The following RFX2 variants were observed in gnomAD, a reference collection of about 807,000 sequenced individuals.
The protein encoded by RFX2 is regulatory factor X2.
In RFX2, 20 loss-of-function variants were observed where a neutral mutation model predicts 87.8. That is an observed-to-expected ratio of 0.23 (90% CI 0.16 to 0.33). RFX2 has a LOEUF of 0.33. RFX2 is among the 10% of genes least tolerant of loss of function. RFX2 has a pLI of 1.00. For missense variants in RFX2, 767 were observed against 1,012.3 expected (o/e 0.76, Z 3.29); for synonymous variants, 397 against 431.3 (o/e 0.92, Z 0.98).
chr19:6,090,874 C>T (rs1172727891), intron 1 of RFX2, among the ~76,000 whole-genome samples: 7 of 152,166 alleles, frequency 4.6e-5, no homozygotes, highest in Admixed American at 4.6e-4. Flanking sequence ...TGTGGATGAA[C>T]TGCAAAACAA....
intron 4 of RFX2, among the ~76,000 whole-genome samples, chr19:6,041,664 G>C (rs1472484841): frequency 9.4e-5 from 14 of 148,506 alleles, no homozygotes; most frequent in Non-Finnish European, 5.9e-5. Context: ...AAAAGTCTGT[G>C]ATTTCTGAAA....
chr19:6,052,435 G>A (rs942972741), intron 1 of RFX2, among the ~76,000 whole-genome samples: 4 of 152,068 alleles, frequency 2.6e-5, no homozygotes, highest in African/African-American at 9.7e-5. Context: ...CATAATCGGA[G>A]ATTTTAAACA....
Position 6,001,597 on chromosome 19 carries a change from A to T in RFX2, c.1859+218T>A, listed in dbSNP as rs1411799460. On this transcript the variant is annotated intron_variant, in intron 15 of 17. Coordinates refer to ENST00000303657, the MANE Select transcript of RFX2 (RefSeq NM_000635.4). The surrounding 1 kb of genome is among the most constrained non-coding windows in gnomAD (Gnocchi z 5.6). ...CTGTCTGCAGAACTTGCAACTTAGT[A>T]TTTAGGCCACGGTGGCCTTCTGGGC... 6.6e-6 allele frequency among the ~76,000 whole-genome samples: 1 copy of T among 152,128 alleles called. No individual in the cohort carries two copies. Among genetic ancestry groups the T allele is most frequent in the Non-Finnish European group, 1.5e-5 (1 of 68,010 alleles).
intron 5 of RFX2, among the ~76,000 whole-genome samples, chr19:6,034,798 G>C (rs747914671): frequency 1.9e-4 from 29 of 152,214 alleles, no homozygotes; most frequent in Non-Finnish European, 3.4e-4. Flanking sequence ...GGACCACCAG[G>C]AAGGGGTGCT....
chr19:6,006,957 G>A, intron 12 of RFX2, 55 bp downstream of exon 12: 1 of 1,588,442 alleles, frequency 6.3e-7, no homozygotes, highest in Non-Finnish European at 8.6e-7. Flanking sequence ...AGAAAGGACA[G>A]AGGAGGCAGG....
chr19:6,017,469 C>T lies in RFX2; in HGVS notation c.598-1198G>A, dbSNP rs1019788001. ...ACCTCTCCCTCTGCTATCGTCTGTC[C>T]CCTGATCCAGAGAGGTCTGCTATGT... On this transcript the variant is annotated intron_variant, in intron 6 of 17. Transcript: ENST00000303657. This position sits in a 1 kb window ranked among gnomAD's most constrained non-coding sequence, Gnocchi z 4.1. 6.6e-6 allele frequency among the ~76,000 whole-genome samples: 1 copy of T among 152,226 alleles called. No individual in the cohort carries two copies. The highest frequency in any genetic ancestry group is 1.9e-4 in the East Asian group (1 of 5,198).
Position 5,997,587 on chromosome 19 carries a change from C to T in RFX2, c.1860-374G>A, listed in dbSNP as rs1311225875. ...ACATTTCGGACTCCGAATCAGAGCACAGGCTGGCAGCTGGTGCCTGTCTCC... is the reference window on the plus strand; with the variant it reads ...ACATTTCGGACTCCGAATCAGAGCATAGGCTGGCAGCTGGTGCCTGTCTCC... On this transcript the variant is annotated intron_variant, in intron 15 of 17. Transcript: ENST00000303657. The surrounding 1 kb of genome is among the most constrained non-coding windows in gnomAD (Gnocchi z 4.2). Among the ~76,000 whole-genome samples the T allele has an allele frequency of 6.6e-6, 1 of 152,206 alleles. No homozygotes were observed. Among genetic ancestry groups the T allele is most frequent in the Non-Finnish European group, 1.5e-5 (1 of 68,032 alleles).
chr19:6,053,585 G>A (rs1218699391), intron 1 of RFX2, among the ~76,000 whole-genome samples: 1 of 152,206 alleles, frequency 6.6e-6, no homozygotes, highest in African/African-American at 2.4e-5. Context: ...CTGTGCATGT[G>A]TGGAGGTATG....
chr19:5,995,462 T>C (rs538503310), intron 17 of RFX2, 139 bp downstream of exon 17: 2 of 826,796 alleles, frequency 2.4e-6, no homozygotes, highest in East Asian at 2.7e-5. Context: ...ACTGTCCGGA[T>C]GACAGATCCC....
At chr19:6,067,079 A>C (rs1330458043) in intron 1 of RFX2, among the ~76,000 whole-genome samples, 1 of 152,200 alleles carries the variant, frequency 6.6e-6, no homozygotes, top group South Asian at 2.1e-4. Flanking sequence ...ACTCTCTCTG[A>C]GGTAAGAGGG....
rs2144813190 is a variant in RFX2, at chr19:6,063,075, C to A, written c.-8-15571G>T. Among the ~76,000 whole-genome samples, 1 of 152,304 alleles carries A rather than the reference C, an allele frequency of 6.6e-6. No individual in the cohort carries two copies. Among genetic ancestry groups the A allele is most frequent in the East Asian group, 1.9e-4 (1 of 5,184 alleles). On this transcript the variant is annotated intron_variant, in intron 1 of 17. Transcript: ENST00000303657. The surrounding 1 kb of genome is among the most constrained non-coding windows in gnomAD (Gnocchi z 4.0). ...TGTGTCTCGTATCCCTCCTGTCCTG[C>A]CGCTCTCGCTCTTGCTCCTAGGCCG...
In RFX2 at chr19:6,033,758, T is replaced by C. The variant is rs76294714; in HGVS notation, c.522+6222A>G. ...ACTGTAGTCAACAATAATGTATCAA[T>C]ATTGGATCATCAGCTGCAACAAATG... On this transcript the variant is annotated intron_variant, in intron 5 of 17. Transcript: ENST00000303657. Among the ~76,000 whole-genome samples the C allele has an allele frequency of 4.5e-3, 680 of 150,208 alleles. 8 individuals carry two copies. In the East Asian group the frequency reaches 0.072, roughly 16 times the overall value.
At chr19:6,033,615 C>CAAAAAAAAAAAAAAAA (rs34581899) in intron 5 of RFX2, among the ~76,000 whole-genome samples, 1 of 60,426 alleles carries the variant, frequency 1.7e-5, no homozygotes, top group Non-Finnish European at 3.3e-5. Context: ...CCCACCTTTG[C>CAAAAAAAAAAAAAAAA]AAAAAAAAAA....
Position 5,997,055 on chromosome 19 carries a change from C to T in RFX2, c.2013+5G>A, listed in dbSNP as rs2086422738. ...CCCGGCCGTCCCACCCAGGAGGGTC[C>T]TCACCTCTCCCATCACAGCGATCGG... On this transcript the variant is annotated splice_donor_5th_base_variant and intron_variant, in intron 16 of 17. Transcript: ENST00000303657. The surrounding 1 kb of genome is among the most constrained non-coding windows in gnomAD (Gnocchi z 4.2). The T allele has an allele frequency of 1.2e-6, 2 of 1,608,220 alleles. No homozygotes were observed. Among genetic ancestry groups the T allele is most frequent in the Non-Finnish European group, 1.7e-6 (2 of 1,178,876 alleles).
At chr19:6,032,210 C>T (rs1389762885) in intron 5 of RFX2, among the ~76,000 whole-genome samples, 7 of 152,152 alleles carry the variant, frequency 4.6e-5, no homozygotes, top group Non-Finnish European at 1.0e-4. Context: ...CAACCTCTGC[C>T]TCCCAGGTTC....
In RFX2 at chr19:6,050,304, A is replaced by C. The variant is rs1485690228; in HGVS notation, c.-8-2800T>G. Reference sequence around the variant, plus strand: ...ACCCAGTAAAAACCATGAGCTATGAAAAGAAACAGGAAAGTGTAACATACA... The same window carrying C: ...ACCCAGTAAAAACCATGAGCTATGACAAGAAACAGGAAAGTGTAACATACA... On this transcript the variant is annotated intron_variant, in intron 1 of 17. Coordinates refer to ENST00000303657, the MANE Select transcript of RFX2 (RefSeq NM_000635.4). The surrounding 1 kb of genome is among the most constrained non-coding windows in gnomAD (Gnocchi z 4.6). 6.6e-6 allele frequency among the ~76,000 whole-genome samples: 1 copy of C among 152,214 alleles called. No individual in the cohort carries two copies. The highest frequency in any genetic ancestry group is 1.5e-5 in the Non-Finnish European group (1 of 68,038).
chr19:6,072,808 C>G lies in RFX2; in HGVS notation c.-8-25304G>C, dbSNP rs1599906300. ...TGCTGCCTACGGAGGTGGCAGCTGT[C>G]TCCTCCTCAGCATCATGGCCGCCCT... is the stretch of plus-strand genomic sequence containing the variant. On this transcript the variant is annotated intron_variant, in intron 1 of 17. Transcript: ENST00000303657. The G allele has an allele frequency of 2.8e-6, 3 of 1,074,520 alleles. No individual in the cohort carries two copies. The East Asian group carries it at 7.5e-5, about 27-fold the overall frequency. The allele number at this position is 1,074,520 out of a possible 1,614,324, so 66.6% of individuals were successfully genotyped here.
rs977892764 is a variant in RFX2 at position 6,040,078 on chromosome 19, T to C, written c.424A>G (p.Ser142Gly). 1.2e-6 allele frequency: 2 copies of C among 1,608,582 alleles called. No homozygotes were observed. The highest frequency in any genetic ancestry group is 1.7e-5 in the Admixed American group (1 of 59,718). ...GCTCCCGCGCTGGAGACGATGGGGC[T>C]CCCCCCGACATCCATGGTGATGCCC... ...MVGITMDVGG[S>G]PIVSSAGAYL... The change falls in exon 5 of 18, where the codon AGC (serine) becomes GGC (glycine). Residue 142 changes from serine (S) to glycine (G), a missense_variant. Coordinates refer to ENST00000303657, the MANE Select transcript of RFX2 (RefSeq NM_000635.4). This position sits in a 1 kb window ranked among gnomAD's most constrained non-coding sequence, Gnocchi z 6.1.
intron 5 of RFX2, among the ~76,000 whole-genome samples, chr19:6,032,865 T>C (rs2086969310): frequency 6.6e-6 from 1 of 152,250 alleles, no homozygotes; most frequent in African/African-American, 2.4e-5. Context: ...CACAGCTCAC[T>C]ACAGCCTTGA....
Sources: gnomAD v4.1 joint callset for allele counts (sites outside exome capture counted in the v4.1 genomes callset) on GRCh38, gnomAD v4.1.1 for gene constraint, Gnocchi (gnomAD v3.1) non-coding constraint, MANE v1.5 for transcripts, NCBI Gene and HGNC (gene_info 2026-07-23, HGNC 2026-07-21) for gene names.